Variants in KSR2 observed in about 807,000 individuals in gnomAD.
KSR2 encodes the protein kinase suppressor of ras 2.
A neutral mutation model predicts 107.8 loss-of-function variants in KSR2; 25 were observed. The ratio of observed to expected loss-of-function variants is 0.23; its 90% confidence interval spans 0.17 to 0.32. The LOEUF (loss-of-function observed/expected upper bound fraction) is 0.32. Among genes scored for constraint, KSR2 ranks in the 10% least tolerant of loss-of-function variants. The pLI is 1.00. For missense variants in KSR2, 887 were observed against 1,268.9 expected, an observed-to-expected ratio of 0.70 and a Z score of 4.57; for synonymous variants, 480 against 507.0, an observed-to-expected ratio of 0.95 and a Z score of 0.71.
At chr12:117,655,240 A>G (rs1387242391) in intron 5 of KSR2, among the ~76,000 whole-genome samples, 1 of 152,232 alleles carries the variant, frequency 6.6e-6, no homozygotes, top group African/African-American at 2.4e-5. Context: ...ATCCACCACC[A>G]TCATGGTATT....
chr12:117,596,793 C>T (rs891776484), intron 5 of KSR2, among the ~76,000 whole-genome samples: 1 of 152,158 alleles, frequency 6.6e-6, no homozygotes, highest in African/African-American at 2.4e-5. Context: ...GTAGGCATGT[C>T]CCTCTAATCA....
intron 1 of KSR2, among the ~76,000 whole-genome samples, chr12:117,966,620 C>CACACACACAT (rs2137626366): frequency 8.1e-6 from 1 of 123,242 alleles, no homozygotes; most frequent in Non-Finnish European, 1.7e-5. Context: ...CTCACACGCG[C>CACACACACAT]ACGCACACAC....
chr12:117,743,308 A>G (rs1888290440), intron 4 of KSR2, among the ~76,000 whole-genome samples: 1 of 152,230 alleles, frequency 6.6e-6, no homozygotes, highest in African/African-American at 2.4e-5. Flanking sequence ...ATTTCTTTAA[A>G]TGGCAATGGC....
chr12:117,939,446 C>A (rs1398005177), intron 1 of KSR2, among the ~76,000 whole-genome samples: 1 of 152,122 alleles, frequency 6.6e-6, no homozygotes, highest in East Asian at 1.9e-4. Context: ...GGTGCGGTGG[C>A]TCATGCCTGT....
intron 5 of KSR2, among the ~76,000 whole-genome samples, chr12:117,663,597 T>C (rs1884527536): frequency 6.6e-6 from 1 of 152,218 alleles, no homozygotes; most frequent in Admixed American, 6.5e-5. Flanking sequence ...GCATTTCTCA[T>C]TGTATCCTCA....
intron 1 of KSR2, among the ~76,000 whole-genome samples, chr12:117,942,440 T>A (rs929412925): frequency 5.9e-5 from 9 of 152,032 alleles, no homozygotes; most frequent in Non-Finnish European, 1.0e-4. Flanking sequence ...CTCCATAAGA[T>A]GAATTTTTCA....
In KSR2 at chr12:117,928,333, C is replaced by T. The variant is rs563081397; in HGVS notation, c.180+39743G>A. Among the ~76,000 whole-genome samples, 11 of 152,256 alleles carry T rather than the reference C, an allele frequency of 7.2e-5. No individual in the cohort carries two copies. In the East Asian group the frequency reaches 1.9e-3, roughly 27 times the overall value. ...GAGTAGCTGGAACTACAGGCATGCG[C>T]CACCATACCCGGCTAATTTTTTGTA... On this transcript the variant is annotated intron_variant, in intron 1 of 19. Coordinates refer to ENST00000339824, the MANE Select transcript of KSR2 (RefSeq NM_173598.6).
At chr12:117,821,203 C>T (rs930522171) in intron 3 of KSR2, among the ~76,000 whole-genome samples, 6 of 152,244 alleles carry the variant, frequency 3.9e-5, no homozygotes, top group East Asian at 3.9e-4. Flanking sequence ...ATACTATTAT[C>T]GTCTGAATTA....
intron 10 of KSR2, among the ~76,000 whole-genome samples, chr12:117,532,293 A>T (rs553850481): frequency 6.6e-6 from 1 of 152,154 alleles, no homozygotes; most frequent in Non-Finnish European, 1.5e-5. Context: ...AGGAAAATCT[A>T]TTCCTTGTCT....
intron 1 of KSR2, among the ~76,000 whole-genome samples, chr12:117,958,041 C>A (rs1483477150): frequency 6.6e-6 from 1 of 152,116 alleles, no homozygotes; most frequent in Non-Finnish European, 1.5e-5. Flanking sequence ...CCATGTTGGC[C>A]AAGCTGGTCT....
intron 10 of KSR2, among the ~76,000 whole-genome samples, chr12:117,531,924 A>G (rs1875665233): frequency 2.0e-5 from 3 of 152,088 alleles, no homozygotes; most frequent in South Asian, 2.1e-4. Context: ...GACATCTCAC[A>G]CTCCCTAAAA....
intron 5 of KSR2, among the ~76,000 whole-genome samples, chr12:117,601,006 C>A (rs1228271273): frequency 1.3e-5 from 2 of 152,248 alleles, no homozygotes; most frequent in East Asian, 3.9e-4. Context: ...ACTTACTTAC[C>A]TGCAGTATGA....
At chr12:117,670,701 CCT>C (rs1047613700) in intron 4 of KSR2, among the ~76,000 whole-genome samples, 7 of 152,152 alleles carry the variant, frequency 4.6e-5, no homozygotes, top group Admixed American at 6.5e-5. Flanking sequence ...CCTTTGCCCC[CCT>C]GTGTCTAGCA....
intron 3 of KSR2, among the ~76,000 whole-genome samples, chr12:117,820,195 G>C (rs78013866): frequency 0.047 from 7,100 of 152,252 alleles, 209 homozygotes; most frequent in Non-Finnish European, 0.066. Flanking sequence ...CTATGAGAGG[G>C]AGAAATCAGA....
chr12:117,583,081 T>C (rs1187697495), intron 5 of KSR2, among the ~76,000 whole-genome samples: 2 of 152,194 alleles, frequency 1.3e-5, no homozygotes, highest in African/African-American at 4.8e-5. Flanking sequence ...CCACCTAAAG[T>C]TATGCTAGAG....
intron 1 of KSR2, among the ~76,000 whole-genome samples, chr12:117,872,027 A>C (rs1340807457): frequency 6.6e-6 from 1 of 152,226 alleles, no homozygotes; most frequent in Non-Finnish European, 1.5e-5. Context: ...GACATTTGCC[A>C]ATCATAAAGA....
intron 14 of KSR2, among the ~76,000 whole-genome samples, chr12:117,487,457 A>G (rs1872525941): frequency 1.3e-5 from 2 of 152,184 alleles, no homozygotes; most frequent in South Asian, 4.1e-4. Flanking sequence ...GTCAGGGCTG[A>G]CCCTGCATCC....
chr12:117,831,381 C>T (rs1219931779), intron 3 of KSR2, among the ~76,000 whole-genome samples: 2 of 152,216 alleles, frequency 1.3e-5, no homozygotes, highest in Non-Finnish European at 2.9e-5. Context: ...CAGCCCAGGG[C>T]ACCTCTTCTT....
chr12:117,713,097 T>C (rs1206838487), intron 4 of KSR2, among the ~76,000 whole-genome samples: 1 of 149,980 alleles, frequency 6.7e-6, no homozygotes, highest in African/African-American at 2.4e-5. Flanking sequence ...TATAGATAGA[T>C]ATTTGGATAG....
Sources: allele counts gnomAD v4.1 joint callset (sites outside exome capture counted in the v4.1 genomes callset), GRCh38; gene constraint gnomAD v4.1.1; transcripts MANE v1.5; gene names NCBI Gene and HGNC (gene_info 2026-07-23, HGNC 2026-07-21).